RBM19: variants seen among roughly 807,000 people sequenced by gnomAD.
RBM19 encodes probable RNA-binding protein 19.
RBM19 carries 94 observed loss-of-function variants against 116.8 expected under a neutral mutation model. That is an observed-to-expected ratio of 0.80 (90% CI 0.68 to 0.95). The LOEUF is 0.95. Among genes scored for constraint, RBM19 ranks in the 40% least tolerant of loss-of-function variants. The pLI is 0.00. For synonymous variants in RBM19, 475 were observed against 494.1 expected, an observed-to-expected ratio of 0.96 and a Z score of 0.51; for missense variants, 1,161 against 1,220.7, an observed-to-expected ratio of 0.95 and a Z score of 0.73.
At chr12:113,891,649 T>TA (rs1043002661) in intron 21 of RBM19, among the ~76,000 whole-genome samples, 1 of 152,070 alleles carries the variant, frequency 6.6e-6, no homozygotes, top group South Asian at 2.1e-4. Flanking sequence ...TAGAGGCCCT[T>TA]AAAAAAAATT....
intron 18 of RBM19, among the ~76,000 whole-genome samples, chr12:113,922,055 TG>T (rs1224877046): frequency 6.6e-6 from 1 of 152,116 alleles, no homozygotes; most frequent in Non-Finnish European, 1.5e-5. Flanking sequence ...CTCCTTGCTT[TG>T]GGTGGCTCTG....
chr12:113,831,358 T>C (rs1392821779), intron 23 of RBM19, among the ~76,000 whole-genome samples: 1 of 152,184 alleles, frequency 6.6e-6, no homozygotes, highest in East Asian at 1.9e-4. Flanking sequence ...CTTGGGTTTC[T>C]CCAGGCTGGG....
intron 16 of RBM19, 58 bp downstream of exon 16, chr12:113,936,949 C>A: frequency 6.3e-7 from 1 of 1,590,138 alleles, no homozygotes; most frequent in Non-Finnish European, 8.6e-7. Context: ...TGCCCCCAAC[C>A]CTCCTCCTTT....
chr12:113,958,125 G>A, intron 5 of RBM19, 75 bp from the exon 6 acceptor site: 1 of 1,533,910 alleles, frequency 6.5e-7, no homozygotes, highest in Non-Finnish European at 8.7e-7. Flanking sequence ...ATGGTAGATG[G>A]TCCTCCTAGT....
intron 21 of RBM19, among the ~76,000 whole-genome samples, chr12:113,908,573 C>CAAAAAAAAAAAAAAAAAA (rs11338829): frequency 3.9e-4 from 13 of 33,224 alleles, no homozygotes; most frequent in South Asian, 4.3e-3. Context: ...AAGAAAATAG[C>CAAAAAAAAAAAAAAAAAA]AAAAAAAAAA....
At chr12:113,934,059 C>T (rs1327204993) in intron 16 of RBM19, among the ~76,000 whole-genome samples, 5 of 152,206 alleles carry the variant, frequency 3.3e-5, no homozygotes, top group African/African-American at 1.2e-4. Context: ...TCAAGTGATC[C>T]TCCAACCTCA....
At chr12:113,819,636 G>A (rs926100229), downstream of RBM19, among the ~76,000 whole-genome samples, 3 of 152,174 alleles carry the variant, frequency 2.0e-5, no homozygotes, top group South Asian at 2.1e-4. Flanking sequence ...AACCGAAGCC[G>A]CCTTTCAGAA....
chr12:113,848,757 A>C (rs1565973100), intron 22 of RBM19, among the ~76,000 whole-genome samples: 1 of 151,998 alleles, frequency 6.6e-6, no homozygotes, highest in South Asian at 2.1e-4. Context: ...CGTTTTTCTA[A>C]ACCTCAGCTG....
intron 21 of RBM19, among the ~76,000 whole-genome samples, chr12:113,897,633 A>C (rs1478474333): frequency 6.6e-6 from 1 of 152,220 alleles, no homozygotes; most frequent in Non-Finnish European, 1.5e-5. Flanking sequence ...GCAATATAGC[A>C]ACACTCTGTC....
intron 21 of RBM19, among the ~76,000 whole-genome samples, chr12:113,912,315 C>T (rs1258188237): frequency 1.3e-5 from 2 of 152,230 alleles, no homozygotes; most frequent in Non-Finnish European, 1.5e-5. Flanking sequence ...CACAGAGAGA[C>T]CTGAGTCTCT....
intron 21 of RBM19, among the ~76,000 whole-genome samples, chr12:113,880,815 G>T (rs892389924): frequency 6.6e-6 from 1 of 152,132 alleles, no homozygotes; most frequent in Non-Finnish European, 1.5e-5. Flanking sequence ...GACTGCAGGG[G>T]CCTTACTGGT....
chr12:113,956,713 A>G (rs538990763), intron 6 of RBM19, among the ~76,000 whole-genome samples: 1 of 152,192 alleles, frequency 6.6e-6, no homozygotes, highest in South Asian at 2.1e-4. Context: ...CCCAGGTCAG[A>G]GACGAGTTGG....
intron 21 of RBM19, among the ~76,000 whole-genome samples, chr12:113,880,264 T>C (rs1290630020): frequency 6.6e-6 from 1 of 150,466 alleles, no homozygotes; most frequent in African/African-American, 2.4e-5. Flanking sequence ...ATCCTGTCGT[T>C]TTATTTGCTC....
chr12:113,947,462 G>A lies in RBM19; in HGVS notation c.1279C>T (p.Pro427Ser), dbSNP rs766999662. The A allele has an allele frequency of 1.3e-6, 2 of 1,595,934 alleles. No individual in the cohort carries two copies. The highest frequency in any genetic ancestry group is 1.7e-4 in the Middle Eastern group (1 of 5,986). Residue 427 changes from proline to serine, a missense_variant and splice_region_variant, in exon 11 of 24, where the codon CCC becomes TCC. Pro to Ser is a moderately conservative substitution (Grantham distance 74, BLOSUM62 -1). Transcript: ENST00000261741. ...ATGGGGTAGTGGAGCTCAGACAGGG[G>A]ACCTGAGGACAGGAGAAGTGTCGGT... ...DLEKLFSKYG[P>S]LSELHYPIDS...
In RBM19 at chr12:113,957,785, G is replaced by A. The variant is rs755058993; in HGVS notation, c.837C>T (p.Ala279=). 11 of 1,585,184 alleles carry A rather than the reference G, an allele frequency of 6.9e-6. No individual in the cohort carries two copies. The highest frequency in any genetic ancestry group is 2.7e-5 in the African/African-American group (2 of 74,032). ...CACCTGCGGGATACACACGCACCTC[G>A]GCTCTGGCCTCCGGTGGTCTCTTTT... is the stretch of plus-strand genomic sequence containing the variant. The part of the protein sequence containing the change: ...AGKKRPPEAR[A]ETEKPANQKE... Residue 279 remains alanine, a synonymous_variant, in exon 6 of 24, where the codon GCC becomes GCT. Transcript: ENST00000261741.
chr12:113,893,486 C>T (rs998523424), intron 21 of RBM19, among the ~76,000 whole-genome samples: 2 of 152,202 alleles, frequency 1.3e-5, no homozygotes, highest in Non-Finnish European at 2.9e-5. Flanking sequence ...AGCATTTCTC[C>T]TCGCAGTAAC....
chr12:113,910,223 C>T (rs1332995576), intron 21 of RBM19, among the ~76,000 whole-genome samples: 2 of 152,186 alleles, frequency 1.3e-5, no homozygotes, highest in African/African-American at 2.4e-5. Context: ...GTCCACCCAC[C>T]CTCTCCCTGA....
chr12:113,866,930 T>A (rs1310979534), intron 21 of RBM19, among the ~76,000 whole-genome samples: 1 of 152,038 alleles, frequency 6.6e-6, no homozygotes, highest in Non-Finnish European at 1.5e-5. Flanking sequence ...ACAGAAGGAG[T>A]CTGTGGGCTG....
chr12:113,891,617 C>T (rs1225491977), intron 21 of RBM19, among the ~76,000 whole-genome samples: 1 of 152,166 alleles, frequency 6.6e-6, no homozygotes, highest in Admixed American at 6.5e-5. Flanking sequence ...GCAGAGCGCA[C>T]ACCACATCCA....
Sources: gnomAD v4.1 joint callset for allele counts (sites outside exome capture counted in the v4.1 genomes callset) on GRCh38, gnomAD v4.1.1 for gene constraint, MANE v1.5 for transcripts, NCBI Gene and HGNC (gene_info 2026-07-23, HGNC 2026-07-21) for gene names.